The following SHISA5 variants were observed in gnomAD, a reference collection of about 807,000 sequenced individuals.
The protein encoded by SHISA5 is protein shisa-5.
SHISA5 carries 21 observed loss-of-function variants against 27.5 expected under a neutral mutation model. The ratio of observed to expected loss-of-function variants is 0.76; its 90% confidence interval spans 0.54 to 1.10. The LOEUF (loss-of-function observed/expected upper bound fraction) is 1.10, where lower values mean the gene tolerates loss of function less well. Ranked by LOEUF, SHISA5 falls within the 50% of genes least tolerant of loss-of-function variation. SHISA5 has a pLI of 0.00. For missense variants in SHISA5, 314 were observed against 336.3 expected (o/e 0.93, Z 0.52); for synonymous variants, 137 against 142.2 (o/e 0.96, Z 0.26).
rs913343024 is a variant in SHISA5, at chr3:48,494,383, C to T, written c.233+6754G>A. On this transcript the variant is annotated intron_variant, in intron 2 of 5. Coordinates refer to ENST00000296444, the MANE Select transcript of SHISA5 (RefSeq NM_016479.6). ...CATGATCTCAGCTCACTGCAACCTC[C>T]GCCTCCCGAGTTCAAGGGATTCTCC... Among the ~76,000 whole-genome samples, 13 of 144,684 alleles carry T rather than the reference C, an allele frequency of 9.0e-5. 3 individuals are homozygous for T. The highest frequency in any genetic ancestry group is 2.3e-4 in the African/African-American group (8 of 35,382). 94.9% of individuals were successfully genotyped at this position (144,684 alleles called of 152,430 possible). A position where few individuals can be genotyped will look rare whatever the true frequency, so the allele number is the denominator to read the frequency against.
chr3:48,488,534 T>C (rs1486490944), intron 2 of SHISA5, among the ~76,000 whole-genome samples: 2 of 139,830 alleles, frequency 1.4e-5, no homozygotes, highest in Non-Finnish European at 3.1e-5. Flanking sequence ...GCCAACTGCT[T>C]ATAGTAAAAT....
At chr3:48,494,746 G>A (rs1353414901) in intron 2 of SHISA5, among the ~76,000 whole-genome samples, 1 of 147,532 alleles carries the variant, frequency 6.8e-6, no homozygotes, top group Non-Finnish European at 1.5e-5. Flanking sequence ...TATCTCTTTG[G>A]GGTATGGATT....
intron 1 of SHISA5, chr3:48,503,676 G>T: frequency 9.0e-7 from 1 of 1,109,562 alleles, no homozygotes; most frequent in Non-Finnish European, 1.1e-6. Context: ...GGGCCAGCTC[G>T]CCCTGCAGCC....
chr3:48,490,957 T>C (rs994000762), intron 2 of SHISA5, among the ~76,000 whole-genome samples: 2 of 152,190 alleles, frequency 1.3e-5, no homozygotes, highest in Non-Finnish European at 2.9e-5. Flanking sequence ...ACAATCTTTA[T>C]CTTAATCTGA....
chr3:48,486,567 G>T (rs577693422), intron 2 of SHISA5, among the ~76,000 whole-genome samples: 143 of 117,698 alleles, frequency 1.2e-3, no homozygotes, highest in African/African-American at 4.4e-3. Flanking sequence ...ATAGATTATA[G>T]ATTTTATATA....
chr3:48,497,653 G>A (rs889596372), intron 2 of SHISA5, among the ~76,000 whole-genome samples: 2 of 152,034 alleles, frequency 1.3e-5, no homozygotes, highest in Admixed American at 6.6e-5. Context: ...TTGGGAGGTC[G>A]AGGTGGGAGG....
intron 3 of SHISA5, among the ~76,000 whole-genome samples, chr3:48,474,718 C>A (rs1395669501): frequency 6.6e-6 from 1 of 152,184 alleles, no homozygotes; most frequent in Non-Finnish European, 1.5e-5. Context: ...CCCTCTCCTT[C>A]AACCTCTGTG....
chr3:48,470,082 T>C lies in SHISA5; in HGVS notation c.315-239A>G, dbSNP rs2040552801. Among the ~76,000 whole-genome samples, 1 of 152,154 alleles carries C rather than the reference T, an allele frequency of 6.6e-6. No homozygotes were observed. Among genetic ancestry groups the C allele is most frequent in the African/African-American group, 2.4e-5 (1 of 41,436 alleles). Reference sequence around the variant, plus strand: ...CCCGCTTGTCCCACCCTCAGAGGCATGGGAGGAAGCTCTTCAAGTCCCATG... The same window carrying C: ...CCCGCTTGTCCCACCCTCAGAGGCACGGGAGGAAGCTCTTCAAGTCCCATG... On this transcript the variant is annotated intron_variant, in intron 3 of 5. Coordinates refer to ENST00000296444, the MANE Select transcript of SHISA5 (RefSeq NM_016479.6). The surrounding 1 kb of genome is among the most constrained non-coding windows in gnomAD (Gnocchi z 4.3).
At chr3:48,476,666 T>C (rs568749755) in intron 3 of SHISA5, among the ~76,000 whole-genome samples, 2 of 152,304 alleles carry the variant, frequency 1.3e-5, no homozygotes, top group East Asian at 1.9e-4. Context: ...AGAGGAGTCA[T>C]TGATGACCCT....
intron 2 of SHISA5, among the ~76,000 whole-genome samples, chr3:48,487,079 G>A (rs2041271983): frequency 6.6e-6 from 1 of 151,594 alleles, no homozygotes; most frequent in Admixed American, 6.6e-5. Context: ...GATCCCATCA[G>A]TATTAAAAAA....
Position 48,473,442 on chromosome 3 carries a change from T to C in SHISA5, c.315-3599A>G, listed in dbSNP as rs755402834. 7.7e-7 allele frequency: 1 copy of C among 1,297,844 alleles called. No homozygotes were observed. The highest frequency in any genetic ancestry group is 1.2e-5 in the South Asian group (1 of 81,108). The allele number at this position is 1,297,844 out of a possible 1,614,324, so 80.4% of individuals were successfully genotyped here. Reference sequence around the variant, plus strand: ...ACTTCCACCTAACCCACCGGCCCTGTTCCACCAGCCTCCAGGAGGAGCTTC... The same window carrying C: ...ACTTCCACCTAACCCACCGGCCCTGCTCCACCAGCCTCCAGGAGGAGCTTC... On this transcript the variant is annotated intron_variant, in intron 3 of 5. Transcript: ENST00000296444. This position sits in a 1 kb window ranked among gnomAD's most constrained non-coding sequence, Gnocchi z 4.3.
Position 48,470,576 on chromosome 3 carries a change from A to G in SHISA5, c.315-733T>C, listed in dbSNP as rs1374850163. On this transcript the variant is annotated intron_variant, in intron 3 of 5. Coordinates refer to ENST00000296444, the MANE Select transcript of SHISA5 (RefSeq NM_016479.6). The surrounding 1 kb of genome is among the most constrained non-coding windows in gnomAD (Gnocchi z 4.3). The stretch of plus-strand genomic sequence containing the variant: ...GGGGAGGACACAGAGGCCTGGAGGC[A>G]GGAGGCCAGAGGGCCTGCCCTTTGA... Among the ~76,000 whole-genome samples the G allele has an allele frequency of 6.6e-6, 1 of 152,252 alleles. No individual in the cohort carries two copies. Among genetic ancestry groups the G allele is most frequent in the African/African-American group, 2.4e-5 (1 of 41,476 alleles).
intron 2 of SHISA5, among the ~76,000 whole-genome samples, chr3:48,488,609 A>G (rs1291848189): frequency 1.3e-5 from 2 of 148,238 alleles, no homozygotes; most frequent in African/African-American, 4.9e-5. Flanking sequence ...CAAGGCGGGC[A>G]GATCACCTGA....
chr3:48,504,138 A>T lies in SHISA5; in HGVS notation c.-44T>A. The T allele has an allele frequency of 9.7e-7, 1 of 1,030,504 alleles. No individual in the cohort carries two copies. The highest frequency in any genetic ancestry group is 2.5e-5 in the South Asian group (1 of 39,816). The allele number at this position is 1,030,504 out of a possible 1,614,324, so 63.8% of individuals were successfully genotyped here. ...GCGGACGGACGCGAGCGCCGGGCGC[A>T]GTGCCGCCACAGCCTCAGTGATCCG... On this transcript the variant is annotated 5_prime_UTR_variant, in exon 1 of 6. Transcript: ENST00000296444. This position sits in a 1 kb window ranked among gnomAD's most constrained non-coding sequence, Gnocchi z 4.0.
Position 48,473,035 on chromosome 3 carries a change from A to G in SHISA5, c.315-3192T>C, listed in dbSNP as rs1560120084. Reference sequence around the variant, plus strand: ...CCCATGTTAGCCTCTGCCTTCACCCAGAGGCCTCCTGTACCCCTGGGCTTT... The same window carrying G: ...CCCATGTTAGCCTCTGCCTTCACCCGGAGGCCTCCTGTACCCCTGGGCTTT... On this transcript the variant is annotated intron_variant, in intron 3 of 5. Transcript: ENST00000296444. This position sits in a 1 kb window ranked among gnomAD's most constrained non-coding sequence, Gnocchi z 4.3. 1 of 1,535,702 alleles carries G rather than the reference A, an allele frequency of 6.5e-7. No individual in the cohort carries two copies. Among genetic ancestry groups the G allele is most frequent in the Non-Finnish European group, 8.7e-7 (1 of 1,146,806 alleles).
Position 48,468,553 on chromosome 3 carries a change from G to A in SHISA5, c.*554C>T. On this transcript the variant is annotated 3_prime_UTR_variant, in exon 6 of 6. Transcript: ENST00000296444. ...GGAGCAATGGGACATCTGCCCAAAGGATCAAAGTCCAACTTGGCCAGATCC... is the reference window on the plus strand; with the variant it reads ...GGAGCAATGGGACATCTGCCCAAAGAATCAAAGTCCAACTTGGCCAGATCC... 1.7e-6 allele frequency: 2 copies of A among 1,189,110 alleles called. No individual in the cohort carries two copies. Among genetic ancestry groups the A allele is most frequent in the Non-Finnish European group, 1.1e-6 (1 of 942,670 alleles). The allele number at this position is 1,189,110 out of a possible 1,614,324, so 73.7% of individuals were successfully genotyped here.
chr3:48,479,751 C>T (rs1575313381), intron 2 of SHISA5, among the ~76,000 whole-genome samples: 1 of 152,072 alleles, frequency 6.6e-6, no homozygotes. Flanking sequence ...CGCCACCATG[C>T]GCAGCTAATT....
chr3:48,477,995 C>T (rs2107314788), intron 3 of SHISA5, among the ~76,000 whole-genome samples: 1 of 152,366 alleles, frequency 6.6e-6, no homozygotes, highest in East Asian at 1.9e-4. Flanking sequence ...TGTGGTCTTC[C>T]TAAAACTCCA....
At chr3:48,483,357 T>C (rs774156151) in intron 2 of SHISA5, among the ~76,000 whole-genome samples, 103 of 152,226 alleles carry the variant, frequency 6.8e-4, no homozygotes, top group Non-Finnish European at 5.9e-4. Flanking sequence ...TTAATCCATT[T>C]AACCCTGAGT....
Sources: gnomAD v4.1 joint callset for allele counts (sites outside exome capture counted in the v4.1 genomes callset) on GRCh38, gnomAD v4.1.1 for gene constraint, Gnocchi (gnomAD v3.1) non-coding constraint, MANE v1.5 for transcripts, NCBI Gene and HGNC (gene_info 2026-07-23, HGNC 2026-07-21) for gene names.